The following TRIM44 variants were observed in gnomAD, a reference collection of about 807,000 sequenced individuals.
The protein encoded by TRIM44 is tripartite motif-containing protein 44.
In TRIM44, 13 loss-of-function variants were observed where a neutral mutation model predicts 37.4. The ratio of observed to expected loss-of-function variants is 0.35; its 90% CI spans 0.23 to 0.55. The LOEUF is 0.55. Among genes scored for constraint, TRIM44 ranks in the 20% least tolerant of loss-of-function variants. The pLI is 0.89. For synonymous variants in TRIM44, 175 were observed against 157.2 expected (o/e 1.11, Z -0.85); for missense variants, 426 against 437.2 (o/e 0.97, Z 0.23).
chr11:35,697,158 C>A (rs1244735322), intron 2 of TRIM44, among the ~76,000 whole-genome samples: 8 of 150,156 alleles, frequency 5.3e-5, no homozygotes, highest in Admixed American at 5.3e-4. Flanking sequence ...TGGTGTGCTG[C>A]ACCCATTAAC....
Position 35,663,239 on chromosome 11 carries a change from G to T in TRIM44, c.128G>T (p.Arg43Leu). The part of the protein sequence containing the change: ...CRECGFCYCR[R>L]HAEAHRQKFL... ...GAATGCGGCTTCTGCTACTGCCGCCGCCATGCCGAGGCGCACAGGCAGAAG... is the reference window on the plus strand; with the variant it reads ...GAATGCGGCTTCTGCTACTGCCGCCTCCATGCCGAGGCGCACAGGCAGAAG... The change falls in exon 1 of 5, where the codon CGC becomes CTC. Residue 43 changes from arginine (R) to leucine (L), a missense_variant. Physicochemically the swap from Arg to Leu is moderately radical, Grantham distance 102. Coordinates refer to ENST00000299413, the MANE Select transcript of TRIM44 (RefSeq NM_017583.6). 1.9e-6 allele frequency: 3 copies of T among 1,608,798 alleles called. No homozygotes were observed. The South Asian group carries it at 3.3e-5, about 18-fold the overall frequency.
At chr11:35,746,733 G>A (rs531809912) in intron 4 of TRIM44, among the ~76,000 whole-genome samples, 1 of 152,184 alleles carries the variant, frequency 6.6e-6, no homozygotes, top group Admixed American at 6.5e-5. Flanking sequence ...CAAACCATGA[G>A]GCAAATTCAT....
intron 2 of TRIM44, among the ~76,000 whole-genome samples, chr11:35,722,658 C>T (rs568697769): frequency 7.0e-4 from 107 of 152,290 alleles, no homozygotes; most frequent in African/African-American, 2.3e-3. Flanking sequence ...TCATTCTCAT[C>T]GCCATCCTAT....
chr11:35,696,684 T>G (rs1851703587), intron 2 of TRIM44, among the ~76,000 whole-genome samples: 1 of 151,454 alleles, frequency 6.6e-6, no homozygotes, highest in Non-Finnish European at 1.5e-5. Flanking sequence ...CCATCTCTAC[T>G]AAAAATACAA....
chr11:35,669,979 A>G (rs545562), intron 1 of TRIM44, among the ~76,000 whole-genome samples: 113,617 of 151,892 alleles, frequency 0.75, 43,586 homozygotes, highest in African/African-American at 0.93. Context: ...GTGCCACCAC[A>G]CCCGCCTGAT....
At chr11:35,756,166 C>T (rs1051511966) in intron 4 of TRIM44, among the ~76,000 whole-genome samples, 1 of 152,102 alleles carries the variant, frequency 6.6e-6, no homozygotes, top group African/African-American at 2.4e-5. Flanking sequence ...TTGTTTGTAT[C>T]CTCTTTTATT....
chr11:35,747,193 C>G (rs1366745804), intron 4 of TRIM44, among the ~76,000 whole-genome samples: 1 of 152,236 alleles, frequency 6.6e-6, no homozygotes, highest in Non-Finnish European at 1.5e-5. Context: ...AAGCTGCCAA[C>G]TTCTCGCTAC....
At chr11:35,804,851 A>C (rs925095379) in intron 4 of TRIM44, among the ~76,000 whole-genome samples, 1 of 152,168 alleles carries the variant, frequency 6.6e-6, no homozygotes, top group Non-Finnish European at 1.5e-5. Flanking sequence ...CCTAGCATAC[A>C]CTTAACTTGC....
At chr11:35,788,656 A>T (rs571244018) in intron 4 of TRIM44, among the ~76,000 whole-genome samples, 1 of 152,168 alleles carries the variant, frequency 6.6e-6, no homozygotes, top group Non-Finnish European at 1.5e-5. Flanking sequence ...CTTTCACACA[A>T]ACCAGTGGTT....
chr11:35,701,852 CAG>C (rs1200645261), intron 2 of TRIM44, among the ~76,000 whole-genome samples: 6 of 151,866 alleles, frequency 4.0e-5, no homozygotes, highest in Non-Finnish European at 8.8e-5. Context: ...CCAGTTTGCA[CAG>C]AGAGAGAGAG....
intron 4 of TRIM44, among the ~76,000 whole-genome samples, chr11:35,765,369 T>G (rs551382534): frequency 6.6e-6 from 1 of 152,216 alleles, no homozygotes; most frequent in South Asian, 2.1e-4. Flanking sequence ...GAGAAATGTG[T>G]TAAGTGCTAT....
Position 35,770,583 on chromosome 11 carries a change from A to G in TRIM44, c.1007+35138A>G, listed in dbSNP as rs566347946. Among the ~76,000 whole-genome samples, 16 of 152,266 alleles carry G rather than the reference A, an allele frequency of 1.1e-4. 1 individual carries two copies. The East Asian group carries it at 1.7e-3, about 17-fold the overall frequency. ...GTTTTTTGACCTTTTAATAATAGCA[A>G]TTCTGACTGGTGTGAGATGGTATCT... On this transcript the variant is annotated intron_variant, in intron 4 of 4. Coordinates refer to ENST00000299413, the MANE Select transcript of TRIM44 (RefSeq NM_017583.6).
At chr11:35,786,493 T>C (rs1853132595) in intron 4 of TRIM44, among the ~76,000 whole-genome samples, 1 of 152,120 alleles carries the variant, frequency 6.6e-6, no homozygotes, top group Non-Finnish European at 1.5e-5. Flanking sequence ...ACCACCTCAT[T>C]AACCCAGGAG....
At chr11:35,797,700 T>C (rs1853311422) in intron 4 of TRIM44, among the ~76,000 whole-genome samples, 1 of 152,176 alleles carries the variant, frequency 6.6e-6, no homozygotes, top group African/African-American at 2.4e-5. Flanking sequence ...GCAAAATACC[T>C]GATCAGCACC....
intron 3 of TRIM44, among the ~76,000 whole-genome samples, chr11:35,729,433 C>T (rs539136635): frequency 3.3e-5 from 5 of 152,236 alleles, no homozygotes; most frequent in African/African-American, 1.2e-4. Flanking sequence ...TGACTTCTGC[C>T]GTACCCTGCA....
chr11:35,738,051 G>C (rs1314197925), intron 4 of TRIM44, among the ~76,000 whole-genome samples: 1 of 152,124 alleles, frequency 6.6e-6, no homozygotes, highest in South Asian at 2.1e-4. Flanking sequence ...ATCCAGTCCA[G>C]TCAGAGCCCT....
In TRIM44 at chr11:35,811,530, AAAC is replaced by A. The variant is rs1853527639; in HGVS notation, c.*5147_*5149del. On this transcript the variant is annotated 3_prime_UTR_variant, in exon 5 of 5. Coordinates refer to ENST00000299413, the MANE Select transcript of TRIM44 (RefSeq NM_017583.6). ...ATACATATTTGCATGTAATTGATGA[AAAC>A]ATAGAATGAGTTGTAAATGAAGCAA... 6.6e-6 allele frequency: 1 copy of A among 152,184 alleles called. No individual in the cohort carries two copies. The highest frequency in any genetic ancestry group is 1.5e-5 in the Non-Finnish European group (1 of 68,032). 9.4% of individuals were successfully genotyped at this position (152,184 alleles called of 1,614,324 possible).
At chr11:35,778,039 C>A (rs960796683) in intron 4 of TRIM44, among the ~76,000 whole-genome samples, 1 of 152,214 alleles carries the variant, frequency 6.6e-6, no homozygotes, top group Admixed American at 6.5e-5. Flanking sequence ...TGGATAAAAT[C>A]CTGAAGAGTG....
intron 3 of TRIM44, among the ~76,000 whole-genome samples, chr11:35,735,155 C>T (rs1013423679): frequency 1.5e-4 from 23 of 152,202 alleles, no homozygotes; most frequent in Admixed American, 3.3e-4. Flanking sequence ...AATAAAAAGG[C>T]AAGGCAATTA....
Sources: allele counts gnomAD v4.1 joint callset (sites outside exome capture counted in the v4.1 genomes callset), GRCh38; gene constraint gnomAD v4.1.1; transcripts MANE v1.5; gene names NCBI Gene and HGNC (gene_info 2026-07-23, HGNC 2026-07-21).